The following PRIM1 variants were observed in gnomAD, a reference collection of about 807,000 sequenced individuals.
PRIM1 encodes the protein DNA primase subunit 1, also known as DNA primase small subunit.
Under a neutral mutation model 60.2 loss-of-function variants are expected in PRIM1, and 38 were observed. The observed-to-expected ratio is 0.63, with a 90% CI of 0.49 to 0.83. The LOEUF is 0.83. Among genes scored for constraint, PRIM1 ranks in the 40% least tolerant of loss-of-function variants. The probability of loss-of-function intolerance (pLI) is 0.00; values close to 1 mark genes in which losing one functional copy is unlikely to be tolerated. For missense variants in PRIM1, 388 were observed against 506.2 expected (o/e 0.77, Z 2.24); for synonymous variants, 158 against 160.2 (o/e 0.99, Z 0.10).
intron 1 of PRIM1, 52 bp downstream of exon 1, chr12:56,752,144 G>T: frequency 1.5e-6 from 2 of 1,331,382 alleles, no homozygotes; most frequent in Non-Finnish European, 2.1e-6. Context: ...AGGACACCCC[G>T]CCTCCAACCT....
chr12:56,741,322 T>A, intron 9 of PRIM1, 113 bp downstream of exon 9: 1 of 1,175,026 alleles, frequency 8.5e-7, no homozygotes, highest in Non-Finnish European at 1.1e-6. Flanking sequence ...ACAGAGCAAT[T>A]CTTCTACCTT....
rs1194142962 is a variant in PRIM1 at position 56,738,472 on chromosome 12, T to C, written c.1106A>G (p.Glu369Gly). Residue 369 changes from glutamate (E) to glycine (G), a missense_variant, in exon 11 of 13, where the codon GAG becomes GGG. This residue lies in a region of PRIM1 where 211 missense variants were observed against 277.9 expected (regional missense o/e 0.76). Coordinates refer to ENST00000338193, the MANE Select transcript of PRIM1 (RefSeq NM_000946.3). ...TTTGACATCAGATTCAGCTTCATTC[T>C]CCTCTTTTTCCTCTTCATTAGTGGA... ...AISTNEEEKE[E>G]NEAESDVKHR... 2 of 1,587,066 alleles carry C rather than the reference T, an allele frequency of 1.3e-6. No homozygotes were observed. Among genetic ancestry groups the C allele is most frequent in the East Asian group, 4.5e-5 (2 of 44,238 alleles).
intron 11 of PRIM1, among the ~76,000 whole-genome samples, chr12:56,735,594 T>C (rs1953821499): frequency 6.6e-6 from 1 of 152,024 alleles, no homozygotes; most frequent in South Asian, 2.1e-4. Context: ...GGTCTTGTGT[T>C]GCTCAGGCTC....
intron 6 of PRIM1, 145 bp from the exon 7 acceptor site, chr12:56,743,241 G>A: frequency 1.0e-6 from 1 of 955,774 alleles, no homozygotes; most frequent in South Asian, 2.2e-5. Context: ...ATACTACCCT[G>A]TGCAGGGTTA....
At chr12:56,742,798 G>A (rs545249707) in intron 7 of PRIM1, among the ~76,000 whole-genome samples, 189 bp downstream of exon 7, 1 of 152,210 alleles carries the variant, frequency 6.6e-6, no homozygotes, top group Admixed American at 6.5e-5. Flanking sequence ...AAACTGATTT[G>A]CAACATGGCC....
At position 56,751,173 on chromosome 12, in the gene PRIM1, G is replaced by A. The variant is rs1238971024; in HGVS notation, c.126C>T (p.His42=). Residue 42 remains histidine (H), a synonymous_variant, in exon 2 of 13, where the codon CAC becomes CAT. Coordinates refer to ENST00000338193, the MANE Select transcript of PRIM1 (RefSeq NM_000946.3). ...YGGVIKNYFQ[H]REFSFTLKDD... The stretch of plus-strand genomic sequence containing the variant: ...CTTTCAATGTGAATGAAAATTCACG[G>A]TGTTGAAAGTAATTCTTTATCACTG... 1.3e-6 allele frequency: 2 copies of A among 1,546,228 alleles called. No individual in the cohort carries two copies. The highest frequency in any genetic ancestry group is 2.1e-5 in the Admixed American group (1 of 47,890).
At chr12:56,746,017 A>G (rs1273044219) in intron 5 of PRIM1, 28 bp downstream of exon 5, 1 of 1,578,174 alleles carries the variant, frequency 6.3e-7, no homozygotes, top group South Asian at 1.2e-5. Flanking sequence ...AACTAAAGCA[A>G]TGCAAATTAG....
chr12:56,735,808 G>A (rs1488901571), intron 11 of PRIM1, among the ~76,000 whole-genome samples: 3 of 151,034 alleles, frequency 2.0e-5, no homozygotes, highest in African/African-American at 7.3e-5. Flanking sequence ...CCGCCACGAC[G>A]CCCAGATAAT....
At chr12:56,746,626 T>TCA (rs71446569) in intron 4 of PRIM1, 155 bp downstream of exon 4, 7,298 of 639,624 alleles carry the variant, frequency 0.011, 35 homozygotes, top group African/African-American at 0.023. Context: ...GTGAGACTCG[T>TCA]CACACACACA....
intron 10 of PRIM1, 126 bp downstream of exon 10, chr12:56,739,168 T>G (rs907782432): frequency 2.1e-5 from 13 of 612,800 alleles, no homozygotes; most frequent in Non-Finnish European, 3.3e-5. Flanking sequence ...CCTTTGAACC[T>G]TATTTGGTTT....
chr12:56,750,857 A>G (rs1659847793), intron 2 of PRIM1, among the ~76,000 whole-genome samples, 181 bp downstream of exon 2: 1 of 152,186 alleles, frequency 6.6e-6, no homozygotes, highest in Non-Finnish European at 1.5e-5. Flanking sequence ...CTCCCAAATG[A>G]TTTCATCAGT....
intron 6 of PRIM1, chr12:56,743,385 A>G (rs1953885365): frequency 4.6e-6 from 1 of 219,378 alleles, no homozygotes; most frequent in Non-Finnish European, 8.8e-6. Context: ...GGTAGAAAGT[A>G]ACCAACCCAG....
Position 56,741,539 on chromosome 12 carries a change from TC to T in PRIM1, c.877del (p.Glu293SerfsTer25). On this transcript the variant is annotated frameshift_variant, in exon 9 of 13. Coordinates refer to ENST00000338193, the MANE Select transcript of PRIM1 (RefSeq NM_000946.3). LOFTEE classifies it high-confidence loss of function. ...IKNDKYGPWL[E>X]WEIMLQYCFP... ...ACAGTACTGGAGCATAATCTCCCAC[TC>T]CAGCCAGGGTCCATATTTGTCATTT... 6.2e-7 allele frequency: 1 copy of T among 1,613,524 alleles called. No homozygotes were observed. The highest frequency in any genetic ancestry group is 8.5e-7 in the Non-Finnish European group (1 of 1,179,718).
intron 11 of PRIM1, among the ~76,000 whole-genome samples, chr12:56,734,620 G>A (rs575682577): frequency 4.0e-5 from 6 of 150,404 alleles, no homozygotes; most frequent in Non-Finnish European, 8.9e-5. Flanking sequence ...TGTTGCTCAG[G>A]CTAGTCTTGA....
intron 5 of PRIM1, among the ~76,000 whole-genome samples, chr12:56,744,336 A>G (rs1953892227): frequency 6.6e-6 from 1 of 151,976 alleles, no homozygotes; most frequent in Non-Finnish European, 1.5e-5. Flanking sequence ...TATTAAAAAT[A>G]CAAAAAATTA....
At position 56,731,709 on chromosome 12, in the gene PRIM1, C is replaced by G. The variant is rs368784632; in HGVS notation, c.*6G>C. The G allele has an allele frequency of 9.9e-6, 15 of 1,515,518 alleles. No individual in the cohort carries two copies. In the African/African-American group the frequency reaches 1.9e-4, roughly 20 times the overall value. The allele number at this position is 1,515,518 out of a possible 1,614,324, so 93.9% of individuals were successfully genotyped here. On this transcript the variant is annotated 3_prime_UTR_variant, in exon 13 of 13. Coordinates refer to ENST00000338193, the MANE Select transcript of PRIM1 (RefSeq NM_000946.3). The stretch of plus-strand genomic sequence containing the variant: ...GATATCCACAATGGTTTGAGGAGCT[C>G]TGTCTTCAGAAATCTTTTTGTAAAT...
intron 2 of PRIM1, among the ~76,000 whole-genome samples, chr12:56,747,639 G>A (rs972983378): frequency 1.3e-5 from 2 of 152,186 alleles, no homozygotes; most frequent in African/African-American, 4.8e-5. Flanking sequence ...CCAGCTACTT[G>A]GGAAGCTGAA....
At chr12:56,743,797 G>A in intron 6 of PRIM1, 1 of 337,100 alleles carries the variant, frequency 3.0e-6, no homozygotes, top group Non-Finnish European at 5.4e-6. Context: ...GTGATGCCAA[G>A]CTCATTATAA....
chr12:56,749,170 G>C (rs555883787), intron 2 of PRIM1, among the ~76,000 whole-genome samples: 1 of 151,988 alleles, frequency 6.6e-6, no homozygotes, highest in East Asian at 1.9e-4. Flanking sequence ...CACCGTGCCC[G>C]GCTGTTTTTG....
Sources: gnomAD v4.1 joint callset for allele counts (sites outside exome capture counted in the v4.1 genomes callset) on GRCh38, gnomAD v4.1.1 for gene constraint, gnomAD v4.1.1 regional missense constraint, MANE v1.5 for transcripts, NCBI Gene and HGNC (gene_info 2026-07-23, HGNC 2026-07-21) for gene names.